The following PPP3R1 variants were observed in gnomAD, a reference collection of about 807,000 sequenced individuals.
PPP3R1 encodes calcineurin subunit B type 1.
In PPP3R1, 5 loss-of-function variants were observed where a neutral mutation model predicts 22.6. That is an observed-to-expected ratio of 0.22 (90% CI 0.12 to 0.46). The LOEUF (loss-of-function observed/expected upper bound fraction) is 0.46. Among genes scored for constraint, PPP3R1 ranks in the 20% least tolerant of loss-of-function variants. PPP3R1 has a pLI of 0.99. For missense variants in PPP3R1, 61 were observed against 203.2 expected, an observed-to-expected ratio of 0.30 and a Z score of 4.25; for synonymous variants, 56 against 65.2, an observed-to-expected ratio of 0.86 and a Z score of 0.68.
At chr2:68,242,166 C>G (rs1259079037) in intron 1 of PPP3R1, among the ~76,000 whole-genome samples, 2 of 152,138 alleles carry the variant, frequency 1.3e-5, no homozygotes, top group African/African-American at 4.8e-5. Context: ...CGGTGGCTCA[C>G]GCGTGTAATA....
chr2:68,221,788 T>A (rs1020499186), intron 1 of PPP3R1, among the ~76,000 whole-genome samples: 1 of 151,772 alleles, frequency 6.6e-6, no homozygotes, highest in Non-Finnish European at 1.5e-5. Context: ...TACTACAGCA[T>A]ATTTCTCCTT....
At chr2:68,246,920 G>A (rs1401450867) in intron 1 of PPP3R1, among the ~76,000 whole-genome samples, 3 of 152,102 alleles carry the variant, frequency 2.0e-5, no homozygotes, top group Non-Finnish European at 4.4e-5. Context: ...TTACCTGTTG[G>A]CCATAATCAC....
At chr2:68,252,029 G>T (rs1351936806) in intron 1 of PPP3R1, 96 bp downstream of exon 1, 2 of 1,230,552 alleles carry the variant, frequency 1.6e-6, no homozygotes, top group East Asian at 3.8e-5. Flanking sequence ...TTCCACGGGG[G>T]ACAGCCGACC....
intron 1 of PPP3R1, among the ~76,000 whole-genome samples, chr2:68,244,036 T>C (rs1040975587): frequency 6.6e-6 from 1 of 152,178 alleles, no homozygotes; most frequent in Non-Finnish European, 1.5e-5. Flanking sequence ...ATCATTTGAA[T>C]TTTTAAGTGA....
intron 2 of PPP3R1, among the ~76,000 whole-genome samples, chr2:68,197,782 T>C (rs1400640937): frequency 6.6e-6 from 1 of 152,074 alleles, no homozygotes; most frequent in East Asian, 1.9e-4. Context: ...TGCCTTTTCA[T>C]AGGTGTATTT....
At chr2:68,196,017 T>C (rs1674763661) in intron 2 of PPP3R1, among the ~76,000 whole-genome samples, 1 of 152,002 alleles carries the variant, frequency 6.6e-6, no homozygotes, top group African/African-American at 2.4e-5. Context: ...TTTAGAACCA[T>C]ATTATAGGAT....
intron 1 of PPP3R1, among the ~76,000 whole-genome samples, chr2:68,235,870 TG>T (rs1480124625): frequency 6.6e-6 from 1 of 152,224 alleles, no homozygotes; most frequent in Admixed American, 6.5e-5. Context: ...CAGTCTTTTT[TG>T]ATTATAACAA....
At chr2:68,196,161 A>G (rs938014207) in intron 2 of PPP3R1, among the ~76,000 whole-genome samples, 6 of 152,210 alleles carry the variant, frequency 3.9e-5, no homozygotes, top group African/African-American at 1.2e-4. Flanking sequence ...TGTGAAGATC[A>G]CAAAACAAAA....
At chr2:68,243,314 A>T (rs562757915) in intron 1 of PPP3R1, among the ~76,000 whole-genome samples, 1 of 152,256 alleles carries the variant, frequency 6.6e-6, no homozygotes, top group African/African-American at 2.4e-5. Context: ...CAGACCTATA[A>T]ATTAGTCAGA....
intron 1 of PPP3R1, among the ~76,000 whole-genome samples, chr2:68,230,504 C>T (rs577780561): frequency 4.0e-5 from 6 of 149,976 alleles, no homozygotes; most frequent in African/African-American, 1.5e-4. Flanking sequence ...CTCTACATAC[C>T]TTTAGAACCA....
Position 68,223,114 on chromosome 2 carries a change from G to A in PPP3R1, c.4-5983C>T, listed in dbSNP as rs1005646026. Among the ~76,000 whole-genome samples the A allele has an allele frequency of 2.6e-5, 4 of 152,156 alleles. No individual in the cohort carries two copies. In the South Asian group the frequency reaches 6.2e-4, roughly 24 times the overall value. On this transcript the variant is annotated intron_variant, in intron 1 of 5. Coordinates refer to ENST00000234310, the MANE Select transcript of PPP3R1 (RefSeq NM_000945.4). ...CAGTATCACAAAAAAAGAAAACTAT[G>A]GCCGGGCGCGGTGGCTCACGCCTAT...
At chr2:68,199,926 C>A (rs1174378051) in intron 2 of PPP3R1, among the ~76,000 whole-genome samples, 1 of 152,010 alleles carries the variant, frequency 6.6e-6, no homozygotes, top group Non-Finnish European at 1.5e-5. Context: ...TTTGGTATTA[C>A]CATCAAGGTA....
rs1315158273 is a variant in PPP3R1 at position 68,209,124 on chromosome 2, C to T, written c.43+7968G>A. ...CTGTAATCCCAGCACTTTGGGAGGC[C>T]GAGGCGGGCGGATCACGAGGTCAGG... On this transcript the variant is annotated intron_variant, in intron 2 of 5. Transcript: ENST00000234310. Among the ~76,000 whole-genome samples, 6 of 149,660 alleles carry T rather than the reference C, an allele frequency of 4.0e-5. No homozygotes were observed. The South Asian group carries it at 8.5e-4, about 21-fold the overall frequency.
rs557120289 is a variant in PPP3R1 at position 68,252,517 on chromosome 2, C to T, written c.-390G>A. The T allele has an allele frequency of 1.0e-4, 94 of 912,352 alleles. 2 individuals carry two copies. The South Asian group carries it at 3.2e-3, about 32-fold the overall frequency. 56.5% of individuals were successfully genotyped at this position (912,352 alleles called of 1,614,324 possible). A position where few individuals can be genotyped will look rare whatever the true frequency, so the allele number is the denominator to read the frequency against. On this transcript the variant is annotated 5_prime_UTR_variant, in exon 1 of 6. Transcript: ENST00000234310. Reference sequence around the variant, plus strand: ...CTCACTGCAGCGGCTCGCGCTGACCCGCAACCTCAAGGCACGAAAAAAGGG... The same window carrying T: ...CTCACTGCAGCGGCTCGCGCTGACCTGCAACCTCAAGGCACGAAAAAAGGG...
chr2:68,251,112 T>C (rs1670340323), intron 1 of PPP3R1: 2 of 152,188 alleles, frequency 1.3e-5, no homozygotes, highest in South Asian at 4.1e-4. Flanking sequence ...CTCTACTGTG[T>C]ATACAACTCT....
intron 2 of PPP3R1, among the ~76,000 whole-genome samples, chr2:68,192,000 G>A (rs1465170176): frequency 6.6e-6 from 1 of 152,114 alleles, no homozygotes; most frequent in Non-Finnish European, 1.5e-5. Flanking sequence ...TTGGTGCTCT[G>A]AGCATCACAT....
intron 1 of PPP3R1, among the ~76,000 whole-genome samples, chr2:68,230,551 T>C (rs947501362): frequency 5.3e-5 from 8 of 152,284 alleles, no homozygotes; most frequent in Non-Finnish European, 1.0e-4. Context: ...CACTCAAACA[T>C]AATTTAAAAA....
chr2:68,252,009 C>T (rs1670373496), intron 1 of PPP3R1, 116 bp downstream of exon 1: 4 of 1,083,880 alleles, frequency 3.7e-6, no homozygotes, highest in Admixed American at 7.6e-5. Context: ...GGGCCCGGGT[C>T]TCTGGAATTT....
intron 1 of PPP3R1, among the ~76,000 whole-genome samples, chr2:68,217,966 G>A (rs185428284): frequency 2.6e-5 from 4 of 152,084 alleles, no homozygotes; most frequent in East Asian, 1.9e-4. Flanking sequence ...CAGTGGAATC[G>A]AAAGTACTTC....
Sources: gnomAD v4.1 joint callset for allele counts (sites outside exome capture counted in the v4.1 genomes callset) on GRCh38, gnomAD v4.1.1 for gene constraint, MANE v1.5 for transcripts, NCBI Gene and HGNC (gene_info 2026-07-23, HGNC 2026-07-21) for gene names.